ITPR1: variants seen among roughly 807,000 people sequenced by gnomAD.
ITPR1 encodes the protein inositol 1,4,5-trisphosphate receptor type 1.
ITPR1 carries 96 observed loss-of-function variants against 318.4 expected under a neutral mutation model. The ratio of observed to expected loss-of-function variants is 0.30; its 90% CI spans 0.26 to 0.36. The LOEUF (loss-of-function observed/expected upper bound fraction) is 0.36, where lower values mean the gene tolerates loss of function less well. Ranked by LOEUF, ITPR1 falls within the 10% of genes least tolerant of loss-of-function variation. The pLI is 1.00. For missense variants in ITPR1, 2,440 were observed against 3,460.2 expected, an observed-to-expected ratio of 0.71 and a Z score of 7.40; for synonymous variants, 1,312 against 1,289.9, an observed-to-expected ratio of 1.02 and a Z score of -0.37.
intron 25 of ITPR1, 96 bp downstream of exon 25, chr3:4,680,787 A>G: frequency 8.5e-7 from 1 of 1,173,666 alleles, no homozygotes; most frequent in Non-Finnish European, 1.2e-6. Context: ...AAGGGTGAAA[A>G]TGGTTTTGAG....
intron 4 of ITPR1, among the ~76,000 whole-genome samples, chr3:4,567,316 G>A (rs1046468040): frequency 2.8e-4 from 42 of 152,234 alleles, no homozygotes; most frequent in African/African-American, 9.4e-4. Flanking sequence ...GATAAAAGAC[G>A]TGATTGCTAA....
rs144291948 is a variant in ITPR1, at chr3:4,801,258, G to A, written c.7107+658G>A. Reference sequence around the variant, plus strand: ...GTGAGGCACTGGAGGATCTAAAAATGCCTTCCAGGGGTTTCTGCCCTGAGT... The same window carrying A: ...GTGAGGCACTGGAGGATCTAAAAATACCTTCCAGGGGTTTCTGCCCTGAGT... On this transcript the variant is annotated intron_variant, in intron 54 of 61. Transcript: ENST00000649015. Among the ~76,000 whole-genome samples the A allele has an allele frequency of 5.9e-3, 906 of 152,324 alleles. 26 individuals carry two copies. The highest frequency in any genetic ancestry group is 4.6e-3 in the East Asian group (24 of 5,184).
Position 4,710,043 on chromosome 3 carries a change from A to G in ITPR1, c.4843-282A>G, listed in dbSNP as rs531815142. 6.6e-6 allele frequency among the ~76,000 whole-genome samples: 1 copy of G among 152,346 alleles called. No individual in the cohort carries two copies. The highest frequency in any genetic ancestry group is 6.5e-5 in the Admixed American group (1 of 15,306). ...TTGTTAAATTGATTTTTTGCGTCAT[A>G]TTTTAAGCTACATGCAGTGGTACCT... On this transcript the variant is annotated intron_variant, in intron 37 of 61. Transcript: ENST00000649015. The surrounding 1 kb of genome is among the most constrained non-coding windows in gnomAD (Gnocchi z 4.2).
In ITPR1 at chr3:4,780,000, T is replaced by C. The variant is rs531017786; in HGVS notation, c.6387+355T>C. Reference sequence around the variant, plus strand: ...ATGGAGAAGCCTCCGTCTCTGTTTTTCCCTCATGGGGGACAGTGTGGTTAC... The same window carrying C: ...ATGGAGAAGCCTCCGTCTCTGTTTTCCCCTCATGGGGGACAGTGTGGTTAC... On this transcript the variant is annotated intron_variant, in intron 49 of 61. Transcript: ENST00000649015. This position sits in a 1 kb window ranked among gnomAD's most constrained non-coding sequence, Gnocchi z 4.0. 2.0e-5 allele frequency among the ~76,000 whole-genome samples: 3 copies of C among 152,164 alleles called. No individual in the cohort carries two copies. In the South Asian group the frequency reaches 6.2e-4, roughly 32 times the overall value.
chr3:4,725,733 T>C (rs963755061), intron 41 of ITPR1, among the ~76,000 whole-genome samples, 152 bp downstream of exon 41: 17 of 152,126 alleles, frequency 1.1e-4, no homozygotes, highest in Non-Finnish European at 2.4e-4. Context: ...GAACAGATCA[T>C]TGCTGACGTG....
intron 4 of ITPR1, among the ~76,000 whole-genome samples, chr3:4,595,330 T>A (rs1368103573): frequency 6.6e-6 from 1 of 151,836 alleles, no homozygotes; most frequent in Admixed American, 6.6e-5. Flanking sequence ...ATGGCCAGAG[T>A]GGGAGCGAGA....
intron 24 of ITPR1, among the ~76,000 whole-genome samples, chr3:4,677,807 G>T (rs12487282): frequency 1.3e-5 from 2 of 151,634 alleles, no homozygotes; most frequent in South Asian, 2.1e-4. Flanking sequence ...TTGCTGTTTG[G>T]GGAGAGAATA....
At chr3:4,774,082 T>G (rs898246893) in intron 46 of ITPR1, among the ~76,000 whole-genome samples, 1 of 152,256 alleles carries the variant, frequency 6.6e-6, no homozygotes, top group African/African-American at 2.4e-5. Context: ...GTTGTTGATT[T>G]ACACTGTATC....
chr3:4,617,853 C>A (rs2092447878), intron 4 of ITPR1, among the ~76,000 whole-genome samples: 1 of 150,812 alleles, frequency 6.6e-6, no homozygotes, highest in Non-Finnish European at 1.5e-5. Flanking sequence ...GGCTTACAGG[C>A]TTACACCTGT....
chr3:4,804,452 G>A (rs562726280), intron 54 of ITPR1, among the ~76,000 whole-genome samples: 1 of 152,326 alleles, frequency 6.6e-6, no homozygotes, highest in South Asian at 2.1e-4. Context: ...GGTGGGGATG[G>A]AAGCCAGATC....
intron 4 of ITPR1, among the ~76,000 whole-genome samples, chr3:4,623,061 CT>C (rs2092699837): frequency 6.6e-6 from 1 of 152,318 alleles, no homozygotes; most frequent in East Asian, 1.9e-4. Flanking sequence ...GGTCGGCTGA[CT>C]TTTTTGCTTT....
intron 4 of ITPR1, among the ~76,000 whole-genome samples, chr3:4,616,791 G>C (rs913300509): frequency 6.6e-6 from 1 of 152,174 alleles, no homozygotes; most frequent in Non-Finnish European, 1.5e-5. Flanking sequence ...ACAGGGTGTA[G>C]CAGAGATGGG....
chr3:4,795,877 G>T (rs1325034702), intron 53 of ITPR1, among the ~76,000 whole-genome samples: 1 of 152,312 alleles, frequency 6.6e-6, no homozygotes. Flanking sequence ...AGCATTCAAA[G>T]CTCCTCTTCT....
intron 4 of ITPR1, among the ~76,000 whole-genome samples, chr3:4,624,835 C>T (rs951059386): frequency 2.6e-5 from 4 of 152,102 alleles, no homozygotes; most frequent in African/African-American, 7.2e-5. Flanking sequence ...ACTACTGTCT[C>T]CTGGTCATGT....
At chr3:4,819,233 G>A (rs958489018) in intron 60 of ITPR1, among the ~76,000 whole-genome samples, 4 of 152,234 alleles carry the variant, frequency 2.6e-5, no homozygotes, top group African/African-American at 7.2e-5. Flanking sequence ...CGATTACGTG[G>A]TTGTGTTTGC....
intron 46 of ITPR1, among the ~76,000 whole-genome samples, chr3:4,770,826 G>C (rs2046138477): frequency 1.3e-5 from 2 of 152,150 alleles, no homozygotes; most frequent in Admixed American, 1.3e-4. Flanking sequence ...CCATCTCACT[G>C]GCTGATAACC....
intron 24 of ITPR1, among the ~76,000 whole-genome samples, chr3:4,680,348 G>A (rs2094273254): frequency 1.3e-5 from 2 of 152,152 alleles, no homozygotes; most frequent in African/African-American, 2.4e-5. Flanking sequence ...AGAGGCTAAG[G>A]TGCTATGGGC....
At chr3:4,540,632 G>C (rs2084352140) in intron 4 of ITPR1, among the ~76,000 whole-genome samples, 1 of 152,162 alleles carries the variant, frequency 6.6e-6, no homozygotes, top group Admixed American at 6.5e-5. Context: ...CTGTCACACA[G>C]GCTGGAGTAC....
intron 4 of ITPR1, among the ~76,000 whole-genome samples, chr3:4,599,116 T>A (rs1032847532): frequency 1.3e-5 from 2 of 152,170 alleles, no homozygotes; most frequent in Non-Finnish European, 2.9e-5. Context: ...GAGGGTTTCC[T>A]ATGGGTAAAA....
Sources: allele counts gnomAD v4.1 joint callset (sites outside exome capture counted in the v4.1 genomes callset), GRCh38; gene constraint gnomAD v4.1.1; non-coding constraint Gnocchi (gnomAD v3.1); transcripts MANE v1.5; gene names NCBI Gene and HGNC (gene_info 2026-07-23, HGNC 2026-07-21).